R3HDM2: variants seen among roughly 807,000 people sequenced by gnomAD.
R3HDM2 encodes the protein R3H domain containing 2.
A neutral mutation model predicts 124.5 loss-of-function variants in R3HDM2; 38 were observed. That is an observed-to-expected ratio of 0.31 (90% confidence interval 0.24 to 0.40). The LOEUF is 0.40. Among genes scored for constraint, R3HDM2 ranks in the 10% least tolerant of loss-of-function variants. The probability of loss-of-function intolerance (pLI) is 1.00; values close to 1 mark genes in which losing one functional copy is unlikely to be tolerated. For synonymous variants in R3HDM2, 391 were observed against 448.0 expected, an observed-to-expected ratio of 0.87 and a Z score of 1.61; for missense variants, 869 against 1,236.9, an observed-to-expected ratio of 0.70 and a Z score of 4.46.
At position 57,357,691 on chromosome 12, in the gene R3HDM2, G is replaced by A. The variant is rs142659567; in HGVS notation, c.-36+38058C>T. On this transcript the variant is annotated intron_variant, in intron 2 of 23. Transcript: ENST00000402412. ...TTTTTAGTTCATTAATTTTTGCTCT[G>A]GTCTTTACAATTTCCTCTCCTTTGC... is the stretch of plus-strand genomic sequence containing the variant. Among the ~76,000 whole-genome samples, 1,094 of 127,596 alleles carry A rather than the reference G, an allele frequency of 8.6e-3. 5 individuals are homozygous for A. Among genetic ancestry groups the A allele is most frequent in the Non-Finnish European group, 0.013 (809 of 60,940 alleles). The allele number at this position is 127,596 out of a possible 152,430, so 83.7% of individuals were successfully genotyped here.
At chr12:57,268,249 T>C (rs2137359556) in intron 18 of R3HDM2, 54 bp downstream of exon 18, 2 of 1,568,664 alleles carry the variant, frequency 1.3e-6, no homozygotes, top group South Asian at 1.2e-5. Flanking sequence ...ATGATGCAAC[T>C]GTTGCTGAAG....
At chr12:57,386,993 C>G (rs1163462639) in intron 2 of R3HDM2, among the ~76,000 whole-genome samples, 1 of 151,834 alleles carries the variant, frequency 6.6e-6, no homozygotes, top group Non-Finnish European at 1.5e-5. Flanking sequence ...ATACACCAAT[C>G]AACACTCTGT....
At chr12:57,358,446 G>A (rs1007309687) in intron 2 of R3HDM2, among the ~76,000 whole-genome samples, 3 of 151,960 alleles carry the variant, frequency 2.0e-5, no homozygotes, top group African/African-American at 2.4e-5. Context: ...ACACCAGGCT[G>A]GCCAATATGG....
At chr12:57,314,255 G>T (rs535711135) in intron 2 of R3HDM2, among the ~76,000 whole-genome samples, 2 of 151,564 alleles carry the variant, frequency 1.3e-5, no homozygotes, top group Middle Eastern at 3.2e-3. Flanking sequence ...CGAGGCGGTT[G>T]GATAACCTGA....
At chr12:57,309,619 T>C (rs1593074968) in intron 3 of R3HDM2, among the ~76,000 whole-genome samples, 1 of 152,232 alleles carries the variant, frequency 6.6e-6, no homozygotes, top group African/African-American at 2.4e-5. Context: ...TTTAACACTG[T>C]GTGTAAAGCC....
intron 1 of R3HDM2, among the ~76,000 whole-genome samples, chr12:57,409,682 C>T (rs1259882933): frequency 6.8e-6 from 1 of 147,694 alleles, no homozygotes; most frequent in Non-Finnish European, 1.5e-5. Flanking sequence ...GACATATAGC[C>T]CCTTTATCCC....
chr12:57,347,190 G>A (rs1470390616), intron 2 of R3HDM2, among the ~76,000 whole-genome samples: 2 of 151,988 alleles, frequency 1.3e-5, no homozygotes, highest in East Asian at 3.9e-4. Flanking sequence ...AAGCTGCAAT[G>A]AGCTGTATCT....
At chr12:57,344,915 C>T (rs554459305) in intron 2 of R3HDM2, among the ~76,000 whole-genome samples, 21 of 152,068 alleles carry the variant, frequency 1.4e-4, no homozygotes, top group Admixed American at 6.5e-5. Flanking sequence ...CAACCTCCAC[C>T]TTTCCACCTT....
chr12:57,413,950 A>C (rs1346918560), intron 1 of R3HDM2, among the ~76,000 whole-genome samples: 2 of 142,244 alleles, frequency 1.4e-5, no homozygotes, highest in African/African-American at 5.2e-5. Context: ...AGTTCAAGTG[A>C]TTCTCCCGCC....
chr12:57,334,347 A>C (rs930565628), intron 2 of R3HDM2, among the ~76,000 whole-genome samples: 5 of 152,246 alleles, frequency 3.3e-5, no homozygotes, highest in African/African-American at 9.6e-5. Flanking sequence ...TCGAATAATA[A>C]ATTCTGCAAA....
At chr12:57,398,743 C>T (rs2067802493) in intron 1 of R3HDM2, among the ~76,000 whole-genome samples, 1 of 152,182 alleles carries the variant, frequency 6.6e-6, no homozygotes, top group Admixed American at 6.5e-5. Context: ...CCCACCTCAG[C>T]CTCCCAAAGT....
chr12:57,381,218 CGAAACT>C (rs2064823461), intron 2 of R3HDM2, among the ~76,000 whole-genome samples: 1 of 150,496 alleles, frequency 6.6e-6, no homozygotes, highest in Admixed American at 6.7e-5. Context: ...GCAACAAAAG[CGAAACT>C]CCGTCTCAAA....
intron 14 of R3HDM2, among the ~76,000 whole-genome samples, chr12:57,276,209 A>T (rs979308832): frequency 1.7e-5 from 2 of 114,750 alleles, no homozygotes; most frequent in African/African-American, 6.0e-5. Context: ...GACTCCATCT[A>T]AAAAAAAAAA....
intron 2 of R3HDM2, among the ~76,000 whole-genome samples, chr12:57,345,698 G>A (rs1237838111): frequency 2.0e-5 from 3 of 152,018 alleles, no homozygotes; most frequent in Non-Finnish European, 2.9e-5. Flanking sequence ...GTGCCCCCAT[G>A]CCCCCTAATC....
intron 12 of R3HDM2, among the ~76,000 whole-genome samples, chr12:57,285,781 T>C (rs767000245): frequency 6.6e-6 from 1 of 152,194 alleles, no homozygotes; most frequent in South Asian, 2.1e-4. Context: ...AGACAAGTCC[T>C]AAAGGCCTTT....
intron 2 of R3HDM2, among the ~76,000 whole-genome samples, chr12:57,361,467 T>C (rs2061962099): frequency 6.6e-6 from 1 of 150,882 alleles, no homozygotes; most frequent in Non-Finnish European, 1.5e-5. Flanking sequence ...AGGAGGATCA[T>C]TTGAGGCTGG....
intron 2 of R3HDM2, among the ~76,000 whole-genome samples, chr12:57,324,213 C>A (rs2056915727): frequency 6.6e-6 from 1 of 152,170 alleles, no homozygotes; most frequent in African/African-American, 2.4e-5. Context: ...GATGGAGTTT[C>A]ACTCTTGTTG....
chr12:57,285,708 A>G (rs1363067622), intron 12 of R3HDM2, among the ~76,000 whole-genome samples: 2 of 152,194 alleles, frequency 1.3e-5, no homozygotes, highest in Non-Finnish European at 2.9e-5. Context: ...TTTGTGGGGT[A>G]AGGGGATACA....
In R3HDM2 at chr12:57,258,115, C is replaced by A. The variant is rs764191637; in HGVS notation, c.2324G>T (p.Ser775Ile). ...SPQANTQMSS[S>I]PVTSPTQSPA... ...AGACTGGGTAGGAGATGTGACAGGG[C>A]TGCTGCTCATTTGTGTGTTGGCCTG... Residue 775 changes from serine (S) to isoleucine (I), a missense_variant, in exon 21 of 24, where the codon AGC becomes ATC. Around this residue, in one of 2 missense-constraint regions of R3HDM2, gnomAD observed 602 missense variants for 789.2 expected, o/e 0.76. Transcript: ENST00000402412. 4 of 1,572,446 alleles carry A rather than the reference C, an allele frequency of 2.5e-6. No homozygotes were observed. The highest frequency in any genetic ancestry group is 8.6e-7 in the Non-Finnish European group (1 of 1,156,462).
Sources: gnomAD v4.1 joint callset for allele counts (sites outside exome capture counted in the v4.1 genomes callset) on GRCh38, gnomAD v4.1.1 for gene constraint, gnomAD v4.1.1 regional missense constraint, MANE v1.5 for transcripts, NCBI Gene and HGNC (gene_info 2026-07-23, HGNC 2026-07-21) for gene names.